The following TGFBR1 variants were observed in gnomAD, a reference collection of about 807,000 sequenced individuals.
TGFBR1 encodes TGF-beta receptor type-1.
TGFBR1 carries 20 observed loss-of-function variants against 55.1 expected under a neutral mutation model. The observed-to-expected ratio is 0.36, with a 90% CI of 0.26 to 0.53. The LOEUF (loss-of-function observed/expected upper bound fraction) is 0.53, where lower values mean the gene tolerates loss of function less well. Ranked by LOEUF, TGFBR1 falls within the 20% of genes least tolerant of loss-of-function variation. The probability of loss-of-function intolerance (pLI) is 0.91; values close to 1 mark genes in which losing one functional copy is unlikely to be tolerated. For missense variants in TGFBR1, 385 were observed against 617.6 expected (o/e 0.62, Z 3.99); for synonymous variants, 220 against 214.8 (o/e 1.02, Z -0.21).
intron 2 of TGFBR1, among the ~76,000 whole-genome samples, chr9:99,129,373 A>G (rs1403116472): frequency 1.1e-4 from 17 of 152,358 alleles, no homozygotes; most frequent in Admixed American, 1.1e-3. Flanking sequence ...CAAAGCCCAC[A>G]ACAACATCTT....
rs779531038 is a variant in TGFBR1, at chr9:99,149,312, A to G, written c.*7A>G. On this transcript the variant is annotated 3_prime_UTR_variant, in exon 9 of 9. Transcript: ENST00000374994. ...GGAAGGCATCAAAATGTAATTCTAC[A>G]GCTTTGCCTGAACTCTCCTTTTTTC... The G allele has an allele frequency of 1.2e-6, 2 of 1,613,734 alleles. No individual in the cohort carries two copies. Among genetic ancestry groups the G allele is most frequent in the Non-Finnish European group, 1.7e-6 (2 of 1,179,714 alleles).
chr9:99,153,928 G>C lies in TGFBR1; in HGVS notation c.*4623G>C, dbSNP rs200806851. On this transcript the variant is annotated 3_prime_UTR_variant, in exon 9 of 9. Coordinates refer to ENST00000374994, the MANE Select transcript of TGFBR1 (RefSeq NM_004612.4). Reference sequence around the variant, plus strand: ...CTACAGGTGATCTCTGTTGCCTTTGGGTCAGCACATTTGTTAGTCTCCTGG... The same window carrying C: ...CTACAGGTGATCTCTGTTGCCTTTGCGTCAGCACATTTGTTAGTCTCCTGG... The C allele has an allele frequency of 1.1e-3, 233 of 214,992 alleles. No homozygotes were observed. Among genetic ancestry groups the C allele is most frequent in the Non-Finnish European group, 1.7e-3 (181 of 106,372 alleles). The allele number at this position is 214,992 out of a possible 1,614,324, so 13.3% of individuals were successfully genotyped here.
At chr9:99,114,416 T>C (rs1051078008) in intron 1 of TGFBR1, among the ~76,000 whole-genome samples, 2 of 152,196 alleles carry the variant, frequency 1.3e-5, no homozygotes, top group Non-Finnish European at 2.9e-5. Flanking sequence ...ACTGCCACCT[T>C]CCTTAATAAA....
intron 4 of TGFBR1, among the ~76,000 whole-genome samples, chr9:99,139,040 C>T (rs928140137): frequency 6.6e-6 from 1 of 152,080 alleles, no homozygotes; most frequent in Non-Finnish European, 1.5e-5. Context: ...TCGTGATCCA[C>T]CCACCTCACC....
chr9:99,149,182 C>T lies in TGFBR1; in HGVS notation c.1389C>T (p.Ala463=), dbSNP rs1266698972. 5.0e-6 allele frequency: 8 copies of T among 1,607,546 alleles called. No individual in the cohort carries two copies. The African/African-American group carries it at 5.4e-5, about 11-fold the overall frequency. The change falls in exon 9 of 9, where the codon GCC becomes GCT. Residue 463 remains alanine (A), a splice_region_variant and synonymous_variant. Coordinates refer to ENST00000374994, the MANE Select transcript of TGFBR1 (RefSeq NM_004612.4). The stretch of plus-strand genomic sequence containing the variant: ...TTTTTTTTTATATTTTCTTGTAGGC[C>T]TTGAGAGTAATGGCTAAAATTATGA... ...NIPNRWQSCE[A]LRVMAKIMRE...
rs3034196 is a variant in TGFBR1 at position 99,111,295 on chromosome 9, CTTTTTTTTT to C, written c.97+6015_97+6023del. Among the ~76,000 whole-genome samples, 48 of 55,150 alleles carry C rather than the reference CTTTTTTTTT, an allele frequency of 8.7e-4. 1 individual carries two copies. Among genetic ancestry groups the C allele is most frequent in the South Asian group, 6.1e-3 (9 of 1,478 alleles). The allele number at this position is 55,150 out of a possible 152,430, so 36.2% of individuals were successfully genotyped here. ...ACATTTGGCATATCCTGCACCCATG[CTTTTTTTTT>C]TTTTTTTTTTTTTTTTTTTTTGAGT... On this transcript the variant is annotated intron_variant, in intron 1 of 8. Transcript: ENST00000374994.
Position 99,105,252 on chromosome 9 carries a change from T to C in TGFBR1, c.47T>C (p.Val16Ala). ...AAPRPRLLLL[V>A]LAAAAAAAAA... is the part of the protein sequence containing the mutation. The stretch of plus-strand genomic sequence containing the variant: ...CCGCGTCCCCGGCTGCTCCTCCTCG[T>C]GCTGGCGGCGGCGGCGGCGGCGGCG... The change falls in exon 1 of 9, where the codon GTG becomes GCG. Residue 16 changes from valine (V) to alanine (A), a missense_variant. Transcript: ENST00000374994. The C allele has an allele frequency of 9.5e-7, 1 of 1,054,108 alleles. No individual in the cohort carries two copies. Among genetic ancestry groups the C allele is most frequent in the Non-Finnish European group, 1.1e-6 (1 of 879,600 alleles). 65.3% of individuals were successfully genotyped at this position (1,054,108 alleles called of 1,614,324 possible).
At chr9:99,145,369 T>C (rs1441031638) in intron 6 of TGFBR1, among the ~76,000 whole-genome samples, 1 of 152,084 alleles carries the variant, frequency 6.6e-6, no homozygotes, top group Non-Finnish European at 1.5e-5. Context: ...CCGTAGGAAG[T>C]TTTTTCTAGT....
intron 1 of TGFBR1, among the ~76,000 whole-genome samples, chr9:99,107,593 A>G (rs1826450060): frequency 6.6e-6 from 1 of 151,986 alleles, no homozygotes; most frequent in Non-Finnish European, 1.5e-5. Context: ...CCTGCCTGTT[A>G]TCCTCCAAAT....
At chr9:99,107,661 A>G (rs1826453165) in intron 1 of TGFBR1, among the ~76,000 whole-genome samples, 1 of 152,084 alleles carries the variant, frequency 6.6e-6, no homozygotes, top group South Asian at 2.1e-4. Context: ...TGCCAAACTA[A>G]TCTTCCTCAG....
Position 99,137,890 on chromosome 9 carries a change from G to T in TGFBR1, c.606G>T (p.Ala202=), listed in dbSNP as rs201497553. The T allele has an allele frequency of 6.2e-7, 1 of 1,613,902 alleles. No individual in the cohort carries two copies. Among genetic ancestry groups the T allele is most frequent in the Non-Finnish European group, 8.5e-7 (1 of 1,179,890 alleles). ...GLPLLVQRTI[A]RTIVLQESIG... ...CATTGCTTGTTCAGAGAACAATTGC[G>T]AGAACTATTGTGTTACAAGAAAGCA... Residue 202 remains alanine (A), a synonymous_variant, in exon 4 of 9, where the codon GCG becomes GCT. Coordinates refer to ENST00000374994, the MANE Select transcript of TGFBR1 (RefSeq NM_004612.4).
chr9:99,147,633 AT>A lies in TGFBR1; in HGVS notation c.1256-13del, dbSNP rs766851280. 8.1e-6 allele frequency: 13 copies of A among 1,608,598 alleles called. No homozygotes were observed. The highest frequency in any genetic ancestry group is 6.6e-5 in the South Asian group (6 of 90,970). ...AGCTGAATAAATTCATCAAAATTTAATTTTTTTTAAACTGATACAGGAATTC... is the reference window on the plus strand; with the variant it reads ...AGCTGAATAAATTCATCAAAATTTAATTTTTTTAAACTGATACAGGAATTC... On this transcript the variant is annotated intron_variant, in intron 7 of 8. Transcript: ENST00000374994.
Position 99,128,845 on chromosome 9 carries a change from C to T in TGFBR1, c.98-10C>T. The T allele has an allele frequency of 6.2e-7, 1 of 1,613,494 alleles. No individual in the cohort carries two copies. The highest frequency in any genetic ancestry group is 8.5e-7 in the Non-Finnish European group (1 of 1,179,820). On this transcript the variant is annotated splice_polypyrimidine_tract_variant and intron_variant, in intron 1 of 8. Transcript: ENST00000374994. ...TGAGATTTTTTCTAAGAATCTTTCTCTTTTTCCAGCGTTACAGTGTTTCTG... is the reference window on the plus strand; with the variant it reads ...TGAGATTTTTTCTAAGAATCTTTCTTTTTTTCCAGCGTTACAGTGTTTCTG...
At chr9:99,109,543 A>G (rs1325231450) in intron 1 of TGFBR1, among the ~76,000 whole-genome samples, 1 of 152,234 alleles carries the variant, frequency 6.6e-6, no homozygotes, top group African/African-American at 2.4e-5. Context: ...TTGTAGTGTC[A>G]TTTTATTGCA....
rs1209722877 is a variant in TGFBR1 at position 99,142,670 on chromosome 9, G to T, written c.940G>T (p.Ala314Ser). Reference protein sequence around the residue: ...KLALSTASGLAHLHMEIVGTQ... With the variant: ...KLALSTASGLSHLHMEIVGTQ... ...TGCTCTGTCCACGGCGAGCGGTCTT[G>T]CCCATCTTCACATGGAGATTGTTGG... The change falls in exon 5 of 9, where the codon GCC (alanine) becomes TCC (serine). Residue 314 changes from alanine (A) to serine (S), a missense_variant. Ala to Ser is a moderately conservative substitution (Grantham distance 99, BLOSUM62 1). Around this residue, in one of 5 missense-constraint regions of TGFBR1, gnomAD observed 85 missense variants for 228.4 expected, o/e 0.37. Coordinates refer to ENST00000374994, the MANE Select transcript of TGFBR1 (RefSeq NM_004612.4). 2 of 1,614,070 alleles carry T rather than the reference G, an allele frequency of 1.2e-6. No individual in the cohort carries two copies. Among genetic ancestry groups the T allele is most frequent in the Non-Finnish European group, 1.7e-6 (2 of 1,179,940 alleles).
At chr9:99,139,422 C>A (rs145741049) in intron 4 of TGFBR1, among the ~76,000 whole-genome samples, 2 of 151,844 alleles carry the variant, frequency 1.3e-5, no homozygotes, top group Non-Finnish European at 2.9e-5. Context: ...TTGTTATTGA[C>A]TTTTATTTGT....
At chr9:99,139,485 T>A (rs982764002) in intron 4 of TGFBR1, among the ~76,000 whole-genome samples, 1 of 152,238 alleles carries the variant, frequency 6.6e-6, no homozygotes, top group Non-Finnish European at 1.5e-5. Context: ...TCCCTCATCG[T>A]CCAGCTTCAA....
intron 1 of TGFBR1, among the ~76,000 whole-genome samples, chr9:99,128,227 G>T (rs1378921928): frequency 6.6e-6 from 1 of 152,186 alleles, no homozygotes; most frequent in Non-Finnish European, 1.5e-5. Context: ...GAGCATGTAT[G>T]TATTGTTACA....
chr9:99,127,781 A>G (rs1220962864), intron 1 of TGFBR1: 3 of 367,546 alleles, frequency 8.2e-6, no homozygotes, highest in Non-Finnish European at 1.6e-5. Flanking sequence ...AAGTAATTGG[A>G]ATGTTTGGAT....
Sources: gnomAD v4.1 joint callset for allele counts (sites outside exome capture counted in the v4.1 genomes callset) on GRCh38, gnomAD v4.1.1 for gene constraint, gnomAD v4.1.1 regional missense constraint, MANE v1.5 for transcripts, NCBI Gene and HGNC (gene_info 2026-07-23, HGNC 2026-07-21) for gene names.